LRRC66: variants seen among roughly 807,000 people sequenced by gnomAD.
The protein encoded by LRRC66 is leucine-rich repeat-containing protein 66.
In LRRC66, 29 loss-of-function variants were observed where a neutral mutation model predicts 24.6. The observed-to-expected ratio is 1.18, with a 90% confidence interval of 0.88 to 1.61. The LOEUF (loss-of-function observed/expected upper bound fraction) is 1.61. Among genes scored for constraint, LRRC66 ranks in the 40% most tolerant of loss-of-function variants. LRRC66 has a pLI of 0.00. For missense variants in LRRC66, 1,124 were observed against 1,058.0 expected (o/e 1.06, Z -0.87); for synonymous variants, 411 against 397.6 (o/e 1.03, Z -0.40).
intron 1 of LRRC66, among the ~76,000 whole-genome samples, chr4:52,019,119 C>A (rs1736886759): frequency 6.6e-6 from 1 of 152,200 alleles, no homozygotes; most frequent in Admixed American, 6.5e-5. Context: ...AGGTGACCCG[C>A]CCACCTTGGC....
chr4:52,003,397 T>C lies in LRRC66; in HGVS notation c.497-5A>G. On this transcript the variant is annotated splice_region_variant and splice_polypyrimidine_tract_variant and intron_variant, in intron 2 of 4. Coordinates refer to ENST00000682860, the MANE Select transcript of LRRC66 (RefSeq NM_001024611.3). ...ATGACTTCAGTTTCCACAGTCCTGTTAAAATGAAAAAGTAAGTTGAAATCT... is the reference window on the plus strand; with the variant it reads ...ATGACTTCAGTTTCCACAGTCCTGTCAAAATGAAAAAGTAAGTTGAAATCT... 6.2e-7 allele frequency: 1 copy of C among 1,605,094 alleles called. No homozygotes were observed. The highest frequency in any genetic ancestry group is 8.5e-7 in the Non-Finnish European group (1 of 1,176,580).
At chr4:52,018,294 CCAAA>C (rs1418218681) in intron 1 of LRRC66, 2 of 984,674 alleles carry the variant, frequency 2.0e-6, no homozygotes, top group Non-Finnish European at 2.4e-6. Context: ...ATCTTTTGTA[CCAAA>C]CATTTTTGAG....
At position 51,996,235 on chromosome 4, in the gene LRRC66, T is replaced by A. The variant is rs948768500; in HGVS notation, c.857-70A>T. On this transcript the variant is annotated intron_variant, in intron 4 of 4. Transcript: ENST00000682860. ...TAAGATTTCAGGGGTTTTTCTCTTT[T>A]TTACAGAATTGAAAAAAATTCAATT... is the stretch of plus-strand genomic sequence containing the variant. 6 of 1,416,616 alleles carry A rather than the reference T, an allele frequency of 4.2e-6. No homozygotes were observed. In the East Asian group the frequency reaches 1.4e-4, roughly 33 times the overall value. The allele number at this position is 1,416,616 out of a possible 1,614,324, so 87.8% of individuals were successfully genotyped here. A position where few individuals can be genotyped will look rare whatever the true frequency, so the allele number is the denominator to read the frequency against.
At position 51,994,451 on chromosome 4, in the gene LRRC66, T is replaced by C. The variant is rs775795774; in HGVS notation, c.2571A>G (p.Pro857=). 16 of 1,614,252 alleles carry C rather than the reference T, an allele frequency of 9.9e-6. No homozygotes were observed. The South Asian group carries it at 1.4e-4, about 14-fold the overall frequency. ...GATCTGAGGGAACTTCAGCAGAACA[T>C]GGTGGTGTTTGCTGTAAAACGTCCA... ...SNVDVLQQTP[P]CSAEVPSDPD... The change falls in exon 5 of 5, where the codon CCA becomes CCG. Residue 857 remains proline, a synonymous_variant. Coordinates refer to ENST00000682860, the MANE Select transcript of LRRC66 (RefSeq NM_001024611.3).
intron 2 of LRRC66, among the ~76,000 whole-genome samples, chr4:52,008,281 G>A (rs1389422482): frequency 2.0e-5 from 3 of 152,046 alleles, no homozygotes; most frequent in African/African-American, 7.2e-5. Context: ...ATTTGACCTA[G>A]GTAAATTCCA....
Position 51,996,073 on chromosome 4 carries a change from T to C in LRRC66, c.949A>G (p.Ile317Val), listed in dbSNP as rs1286378593. 2 of 1,614,092 alleles carry C rather than the reference T, an allele frequency of 1.2e-6. No individual in the cohort carries two copies. Among genetic ancestry groups the C allele is most frequent in the South Asian group, 1.1e-5 (1 of 91,078 alleles). ...TGGGGCCTCTCTGCTTTGCTCCTTA[T>C]GAGGCTTTTCATGCGATGCAGATGA... ...PIHLHRMKSL[I>V]RSKAERPQGG... The change falls in exon 5 of 5, where the codon ATA becomes GTA. Residue 317 changes from isoleucine (I) to valine (V), a missense_variant. Coordinates refer to ENST00000682860, the MANE Select transcript of LRRC66 (RefSeq NM_001024611.3).
chr4:52,017,367 C>CT lies in LRRC66; in HGVS notation c.246dup (p.Glu83ArgfsTer12). The CT allele has an allele frequency of 6.2e-7, 1 of 1,614,034 alleles. No individual in the cohort carries two copies. Among genetic ancestry groups the CT allele is most frequent in the Non-Finnish European group, 8.5e-7 (1 of 1,179,992 alleles). The stretch of plus-strand genomic sequence containing the variant: ...TCCAGATGTTTTATTTTCCACTCTT[C>CT]TTTTTTCGTGTGAGACTGTAAGAGA... On this transcript the variant is annotated frameshift_variant, in exon 2 of 5. Transcript: ENST00000682860. LOFTEE classifies it high-confidence loss of function.
At chr4:52,013,450 A>T (rs1736743473) in intron 2 of LRRC66, among the ~76,000 whole-genome samples, 1 of 152,220 alleles carries the variant, frequency 6.6e-6, no homozygotes, top group African/African-American at 2.4e-5. Flanking sequence ...TTACTCTGTG[A>T]GCACTCCAAA....
chr4:51,995,451 G>A lies in LRRC66; in HGVS notation c.1571C>T (p.Ala524Val). ...HAGNRELMSA[A>V]QDHIHRNDIL... The stretch of plus-strand genomic sequence containing the variant: ...ATCATTCCTATGGATGTGGTCCTGC[G>A]CTGCTGACATTAGTTCACGGTTACC... Residue 524 changes from alanine (A) to valine (V), a missense_variant, in exon 5 of 5, where the codon GCG becomes GTG. Physicochemically the swap from Ala to Val is moderately conservative, Grantham distance 64. Coordinates refer to ENST00000682860, the MANE Select transcript of LRRC66 (RefSeq NM_001024611.3). 1 of 1,614,074 alleles carries A rather than the reference G, an allele frequency of 6.2e-7. No homozygotes were observed. The highest frequency in any genetic ancestry group is 8.5e-7 in the Non-Finnish European group (1 of 1,180,016).
At chr4:51,998,149 C>T (rs1276471254) in intron 3 of LRRC66, among the ~76,000 whole-genome samples, 2 of 152,162 alleles carry the variant, frequency 1.3e-5, no homozygotes, top group African/African-American at 4.8e-5. Context: ...TTCTATAAGC[C>T]TCCCTCCCAG....
chr4:52,007,920 G>C (rs1332065257), intron 2 of LRRC66, among the ~76,000 whole-genome samples: 7 of 152,182 alleles, frequency 4.6e-5, no homozygotes, highest in Non-Finnish European at 8.8e-5. Context: ...ATAGGGACGA[G>C]CCCTTGAGGA....
chr4:52,007,831 A>G (rs1325160429), intron 2 of LRRC66, among the ~76,000 whole-genome samples: 4 of 152,326 alleles, frequency 2.6e-5, no homozygotes, highest in Non-Finnish European at 4.4e-5. Context: ...TGTCATTTAA[A>G]TAACATGGCC....
chr4:51,997,579 T>C (rs1388884803), intron 4 of LRRC66, among the ~76,000 whole-genome samples, 169 bp downstream of exon 4: 1 of 152,146 alleles, frequency 6.6e-6, no homozygotes, highest in Non-Finnish European at 1.5e-5. Context: ...CTGAGGAAAA[T>C]AGTTATTTGA....
At chr4:52,009,808 G>T (rs560643166) in intron 2 of LRRC66, among the ~76,000 whole-genome samples, 2 of 152,220 alleles carry the variant, frequency 1.3e-5, no homozygotes, top group East Asian at 3.9e-4. Context: ...CCAGAAGACG[G>T]AAGAGGAATA....
intron 1 of LRRC66, among the ~76,000 whole-genome samples, chr4:52,018,963 G>A (rs972183528): frequency 2.0e-5 from 3 of 152,096 alleles, no homozygotes; most frequent in Non-Finnish European, 4.4e-5. Context: ...CACAACCTCC[G>A]CCTCCCGGGT....
At position 51,994,458 on chromosome 4, in the gene LRRC66, G is replaced by A. The variant is rs774744159; in HGVS notation, c.2564C>T (p.Thr855Ile). Residue 855 changes from threonine to isoleucine, a missense_variant, in exon 5 of 5, where the codon ACA (threonine) becomes ATA (isoleucine). Transcript: ENST00000682860. The stretch of plus-strand genomic sequence containing the variant: ...GGGAACTTCAGCAGAACATGGTGGT[G>A]TTTGCTGTAAAACGTCCACATTTGA... ...EFSNVDVLQQ[T>I]PPCSAEVPSD... 12 of 1,614,240 alleles carry A rather than the reference G, an allele frequency of 7.4e-6. No homozygotes were observed. Among genetic ancestry groups the A allele is most frequent in the Non-Finnish European group, 1.0e-5 (12 of 1,180,032 alleles).
chr4:52,004,787 A>G (rs2110197346), intron 2 of LRRC66, among the ~76,000 whole-genome samples: 1 of 152,336 alleles, frequency 6.6e-6, no homozygotes, highest in African/African-American at 2.4e-5. Flanking sequence ...AGGTTGTCAT[A>G]TGTCCATTTA....
chr4:51,996,291 G>C, intron 4 of LRRC66, 126 bp from the exon 5 acceptor site: 3 of 883,180 alleles, frequency 3.4e-6, no homozygotes, highest in Admixed American at 3.0e-5. Context: ...GGCACACCCA[G>C]CCTGGAGCGC....
intron 2 of LRRC66, among the ~76,000 whole-genome samples, chr4:52,009,308 C>T (rs763497702): frequency 6.6e-6 from 1 of 151,996 alleles, no homozygotes; most frequent in Non-Finnish European, 1.5e-5. Flanking sequence ...AGAAATGCCT[C>T]AAGTCATTGA....
Sources: allele counts gnomAD v4.1 joint callset (sites outside exome capture counted in the v4.1 genomes callset), GRCh38; gene constraint gnomAD v4.1.1; transcripts MANE v1.5; gene names NCBI Gene and HGNC (gene_info 2026-07-23, HGNC 2026-07-21).